The following SNRK variants were observed in gnomAD, a reference collection of about 807,000 sequenced individuals.
SNRK encodes the protein SNF related kinase.
Under a neutral mutation model 48.2 loss-of-function variants are expected in SNRK, and 3 were observed. That is an observed-to-expected ratio of 0.06 (90% CI 0.03 to 0.16). The LOEUF is 0.16. SNRK is among the 10% of genes least tolerant of loss of function. SNRK has a pLI of 1.00. For synonymous variants in SNRK, 376 were observed against 366.1 expected, an observed-to-expected ratio of 1.03 and a Z score of -0.31; for missense variants, 627 against 976.0, an observed-to-expected ratio of 0.64 and a Z score of 4.76.
intron 3 of SNRK, among the ~76,000 whole-genome samples, chr3:43,318,825 C>T (rs773338780): frequency 3.3e-5 from 5 of 151,842 alleles, no homozygotes; most frequent in South Asian, 2.1e-4. Context: ...CAGGAGAGTT[C>T]GAGACCAGCC....
At chr3:43,344,252 G>T (rs547927532) in intron 6 of SNRK, among the ~76,000 whole-genome samples, 2 of 151,940 alleles carry the variant, frequency 1.3e-5, no homozygotes, top group East Asian at 3.9e-4. Context: ...TTTTCTGCCA[G>T]AGTAACTTTC....
intron 1 of SNRK, among the ~76,000 whole-genome samples, chr3:43,287,174 A>G (rs560419981): frequency 3.3e-5 from 5 of 152,134 alleles, no homozygotes; most frequent in African/African-American, 1.2e-4. Context: ...AAACTGCTTT[A>G]CAATAGAGTG....
At position 43,294,059 on chromosome 3, in the gene SNRK, T is replaced by C. The variant is rs149347767; in HGVS notation, c.-168-5695T>C. ...GGTAGCATACTGTTAACGTTGGGTA[T>C]ATTGTGTTTTATTTAACCATCTCCT... On this transcript the variant is annotated intron_variant, in intron 1 of 6. Transcript: ENST00000296088. Among the ~76,000 whole-genome samples, 10 of 152,326 alleles carry C rather than the reference T, an allele frequency of 6.6e-5. No homozygotes were observed. In the East Asian group the frequency reaches 1.9e-3, roughly 29 times the overall value.
At chr3:43,309,762 G>A (rs543633867) in intron 3 of SNRK, among the ~76,000 whole-genome samples, 3 of 152,044 alleles carry the variant, frequency 2.0e-5, no homozygotes, top group Non-Finnish European at 2.9e-5. Context: ...GACTACAGGC[G>A]TGCACCACCA....
chr3:43,341,095 C>T (rs2091232392), intron 5 of SNRK, among the ~76,000 whole-genome samples: 2 of 152,070 alleles, frequency 1.3e-5, no homozygotes, highest in Admixed American at 6.5e-5. Flanking sequence ...CTGGAGCCTG[C>T]AAGTTATACA....
chr3:43,335,384 A>T (rs60410086), intron 4 of SNRK, among the ~76,000 whole-genome samples: 7,907 of 152,154 alleles, frequency 0.052, 555 homozygotes, highest in African/African-American at 0.16. Context: ...GCGTTTTTCT[A>T]ATTAGCTTTT....
chr3:43,344,523 A>T (rs2091260901), intron 6 of SNRK, among the ~76,000 whole-genome samples: 1 of 152,204 alleles, frequency 6.6e-6, no homozygotes, highest in Non-Finnish European at 1.5e-5. Context: ...TTGGCTCGCC[A>T]TGTGAACTTT....
At position 43,317,826 on chromosome 3, in the gene SNRK, C is replaced by T. The variant is rs2091024811; in HGVS notation, c.589+14034C>T. Among the ~76,000 whole-genome samples, 8 of 152,318 alleles carry T rather than the reference C, an allele frequency of 5.3e-5. No homozygotes were observed. In the South Asian group the frequency reaches 1.7e-3, roughly 32 times the overall value. Reference sequence around the variant, plus strand: ...GGCCCCAGCACTGCCTGTTATCTTTCCCCACTTGACTTGCATCTCTGGGCT... The same window carrying T: ...GGCCCCAGCACTGCCTGTTATCTTTTCCCACTTGACTTGCATCTCTGGGCT... On this transcript the variant is annotated intron_variant, in intron 3 of 6. Transcript: ENST00000296088.
Position 43,347,528 on chromosome 3 carries a change from A to T in SNRK, c.1269A>T (p.Ala423=). The T allele has an allele frequency of 5.0e-6, 8 of 1,613,398 alleles. No homozygotes were observed. Among genetic ancestry groups the T allele is most frequent in the Non-Finnish European group, 6.8e-6 (8 of 1,179,688 alleles). ...KDDLPELAGP[A]LSTVPPASLK... ...ACCTCCCTGAGTTGGCTGGACCAGC[A>T]CTCTCTACGGTGCCACCCGCAAGCT... Residue 423 remains alanine, a synonymous_variant, in exon 7 of 7, where the codon GCA becomes GCT. Coordinates refer to ENST00000296088, the MANE Select transcript of SNRK (RefSeq NM_017719.5). The surrounding 1 kb of genome is among the most constrained non-coding windows in gnomAD (Gnocchi z 5.4).
At chr3:43,339,927 A>C (rs1389581061) in intron 4 of SNRK, among the ~76,000 whole-genome samples, 2 of 139,164 alleles carry the variant, frequency 1.4e-5, no homozygotes, top group Non-Finnish European at 3.1e-5. Flanking sequence ...TTTTTTTCTG[A>C]AACAGAAGTG....
Position 43,340,122 on chromosome 3 carries a change from C to T in SNRK, c.732-165C>T, listed in dbSNP as rs778586362. Among the ~76,000 whole-genome samples the T allele has an allele frequency of 5.5e-4, 84 of 151,962 alleles. 1 individual carries two copies. Among genetic ancestry groups the T allele is most frequent in the Non-Finnish European group, 1.1e-3 (77 of 67,956 alleles). On this transcript the variant is annotated intron_variant, in intron 4 of 6. Coordinates refer to ENST00000296088, the MANE Select transcript of SNRK (RefSeq NM_017719.5). ...GAGGTTGTGATTTTTTATTTTATGA[C>T]TGCAGTGGCACTAAATTTTTATTAT...
At chr3:43,302,106 C>T (rs1287028030) in intron 2 of SNRK, among the ~76,000 whole-genome samples, 2 of 152,088 alleles carry the variant, frequency 1.3e-5, no homozygotes, top group East Asian at 1.9e-4. Context: ...TCACGTTATG[C>T]TGGGTTGTGA....
At chr3:43,302,646 T>C (rs1467651593) in intron 2 of SNRK, among the ~76,000 whole-genome samples, 1 of 152,034 alleles carries the variant, frequency 6.6e-6, no homozygotes, top group Non-Finnish European at 1.5e-5. Flanking sequence ...GGATTTTTTT[T>C]TTTTTTTTTG....
intron 3 of SNRK, among the ~76,000 whole-genome samples, chr3:43,312,828 G>C (rs2090988265): frequency 6.6e-6 from 1 of 152,122 alleles, no homozygotes; most frequent in African/African-American, 2.4e-5. Flanking sequence ...GAAATTTAAA[G>C]TCATGCCAAA....
intron 4 of SNRK, among the ~76,000 whole-genome samples, chr3:43,339,072 A>T (rs558563104): frequency 6.6e-6 from 1 of 152,208 alleles, no homozygotes; most frequent in East Asian, 1.9e-4. Flanking sequence ...TTGGAGAATT[A>T]TTTGAGGCTG....
At chr3:43,315,175 CTG>C (rs1398133646) in intron 3 of SNRK, 1 of 152,100 alleles carries the variant, frequency 6.6e-6, no homozygotes, top group African/African-American at 2.4e-5. Context: ...GTTAAAACTC[CTG>C]TGTTGATCAA....
rs371078181 is a variant in SNRK, at chr3:43,296,415, C to CAT, written c.-168-3322_-168-3321dup. The stretch of plus-strand genomic sequence containing the variant: ...TGTTTGTATTAGATGGATATACTGG[C>CAT]ATATATATATATATATATGTATATA... On this transcript the variant is annotated intron_variant, in intron 1 of 6. Coordinates refer to ENST00000296088, the MANE Select transcript of SNRK (RefSeq NM_017719.5). 1.5e-3 allele frequency among the ~76,000 whole-genome samples: 193 copies of CAT among 127,206 alleles called. 3 individuals are homozygous for CAT. Among genetic ancestry groups the CAT allele is most frequent in the African/African-American group, 4.6e-3 (135 of 29,314 alleles). The allele number at this position is 127,206 out of a possible 152,430, so 83.5% of individuals were successfully genotyped here.
intron 1 of SNRK, among the ~76,000 whole-genome samples, chr3:43,291,017 C>T (rs2090808018): frequency 6.6e-6 from 1 of 152,122 alleles, no homozygotes; most frequent in African/African-American, 2.4e-5. Context: ...GTATAGGGAG[C>T]TGTATGTGCA....
intron 4 of SNRK, chr3:43,333,309 A>C (rs2091161330): frequency 7.4e-6 from 1 of 135,854 alleles, no homozygotes; most frequent in South Asian, 2.5e-4. Flanking sequence ...CAGTGAGCCG[A>C]GATCGCGCCA....
Sources: allele counts gnomAD v4.1 joint callset (sites outside exome capture counted in the v4.1 genomes callset), GRCh38; gene constraint gnomAD v4.1.1; non-coding constraint Gnocchi (gnomAD v3.1); transcripts MANE v1.5; gene names NCBI Gene and HGNC (gene_info 2026-07-23, HGNC 2026-07-21).